Variants in FRMD4B observed in about 807,000 individuals in gnomAD.
The protein encoded by FRMD4B is FERM domain containing 4B.
In FRMD4B, 74 loss-of-function variants were observed where a neutral mutation model predicts 141.5. The observed-to-expected ratio is 0.52, with a 90% CI of 0.43 to 0.63. The LOEUF (loss-of-function observed/expected upper bound fraction) is 0.63, where lower values mean the gene tolerates loss of function less well. FRMD4B is among the 30% of genes least tolerant of loss of function. FRMD4B has a pLI of 0.00. For missense variants in FRMD4B, 1,366 were observed against 1,253.4 expected (o/e 1.09, Z -1.36); for synonymous variants, 506 against 467.9 (o/e 1.08, Z -1.05).
intron 1 of FRMD4B, among the ~76,000 whole-genome samples, chr3:69,475,280 T>C (rs954449913): frequency 1.1e-4 from 17 of 152,110 alleles, no homozygotes; most frequent in African/African-American, 4.1e-4. Flanking sequence ...TAGGTATACG[T>C]GTGCCATGCT....
chr3:69,227,410 C>T (rs9828152), intron 7 of FRMD4B, among the ~76,000 whole-genome samples: 1 of 152,030 alleles, frequency 6.6e-6, no homozygotes, highest in Non-Finnish European at 1.5e-5. Context: ...AGCCTATAAT[C>T]CCAGCGCTTT....
intron 1 of FRMD4B, among the ~76,000 whole-genome samples, chr3:69,454,181 T>A (rs1005810753): frequency 6.6e-6 from 1 of 152,210 alleles, no homozygotes; most frequent in Non-Finnish European, 1.5e-5. Flanking sequence ...TGTTCAATAG[T>A]ATCATCAAAG....
intron 1 of FRMD4B, among the ~76,000 whole-genome samples, chr3:69,461,570 G>A (rs1030250515): frequency 6.7e-5 from 9 of 133,604 alleles, no homozygotes; most frequent in Non-Finnish European, 1.2e-4. Context: ...GCCATAGTGA[G>A]CTGTGATTGC....
chr3:69,230,303 G>A (rs565367165), intron 7 of FRMD4B, among the ~76,000 whole-genome samples: 3 of 152,184 alleles, frequency 2.0e-5, no homozygotes, highest in Admixed American at 2.0e-4. Context: ...CTCCAACAAG[G>A]TCTAGTTTAT....
At chr3:69,316,978 C>T (rs975425276) in intron 1 of FRMD4B, among the ~76,000 whole-genome samples, 3 of 152,080 alleles carry the variant, frequency 2.0e-5, no homozygotes, top group African/African-American at 7.2e-5. Flanking sequence ...AAAAAATTAG[C>T]CAGGCGTGGT....
chr3:69,171,755 G>T lies in FRMD4B; in HGVS notation c.*106C>A, dbSNP rs2092588594. 3 of 1,074,564 alleles carry T rather than the reference G, an allele frequency of 2.8e-6. No homozygotes were observed. Among genetic ancestry groups the T allele is most frequent in the East Asian group, 2.4e-5 (1 of 41,436 alleles). 66.6% of individuals were successfully genotyped at this position (1,074,564 alleles called of 1,614,324 possible). On this transcript the variant is annotated 3_prime_UTR_variant, in exon 23 of 23. Coordinates refer to ENST00000398540, the MANE Select transcript of FRMD4B (RefSeq NM_015123.3). ...CAACTAAGTCTTCTCTTCAACCTTT[G>T]ATGTCTTTAGGTTTCTAAAACGAAC...
intron 1 of FRMD4B, among the ~76,000 whole-genome samples, chr3:69,361,723 T>C (rs749007964): frequency 2.0e-5 from 3 of 152,242 alleles, no homozygotes; most frequent in Non-Finnish European, 2.9e-5. Flanking sequence ...TGCATGAATA[T>C]AGTATAGTTT....
intron 1 of FRMD4B, among the ~76,000 whole-genome samples, chr3:69,433,436 AG>A (rs1482988119): frequency 1.3e-5 from 2 of 152,170 alleles, no homozygotes; most frequent in Non-Finnish European, 2.9e-5. Context: ...ACAAGGAGGG[AG>A]GCAGAAGTGG....
chr3:69,493,355 C>T (rs550723591), intron 1 of FRMD4B, among the ~76,000 whole-genome samples: 1 of 152,242 alleles, frequency 6.6e-6, no homozygotes, highest in African/African-American at 2.4e-5. Context: ...ATAATCAAGG[C>T]CACGTGGGAG....
intron 21 of FRMD4B, among the ~76,000 whole-genome samples, chr3:69,178,511 A>G (rs898115999): frequency 6.6e-6 from 1 of 151,922 alleles, no homozygotes; most frequent in African/African-American, 2.4e-5. Flanking sequence ...CAGTCTCTAC[A>G]AAAAAATAAA....
At chr3:69,182,471 G>C in intron 20 of FRMD4B, 127 bp downstream of exon 20, 2 of 844,394 alleles carry the variant, frequency 2.4e-6, no homozygotes, top group South Asian at 4.6e-5. Flanking sequence ...AGCAGAAAAT[G>C]TAAAACCATA....
chr3:69,267,620 TATATATATATATATATAGAGAGAG>T lies in FRMD4B; in HGVS notation c.502-17545_502-17522del, dbSNP rs2093571339. 4.3e-3 allele frequency among the ~76,000 whole-genome samples: 143 copies of T among 33,540 alleles called. 1 individual carries two copies. Among genetic ancestry groups the T allele is most frequent in the Middle Eastern group, 0.015 (1 of 66 alleles). 22.0% of individuals were successfully genotyped at this position (33,540 alleles called of 152,430 possible). ...GTATATATATATATATATATATATA[TATATATATATATATATAGAGAGAG>T]AGAGAGAGAGAGAGAGAGAGAGAGA... On this transcript the variant is annotated intron_variant, in intron 5 of 22. Coordinates refer to ENST00000398540, the MANE Select transcript of FRMD4B (RefSeq NM_015123.3).
intron 1 of FRMD4B, among the ~76,000 whole-genome samples, chr3:69,457,890 A>G (rs1360071169): frequency 6.6e-6 from 1 of 152,152 alleles, no homozygotes; most frequent in Non-Finnish European, 1.5e-5. Context: ...AGGAGGAGGT[A>G]ACACCCCCAG....
At chr3:69,290,194 G>T (rs980835369) in intron 4 of FRMD4B, among the ~76,000 whole-genome samples, 3 of 152,216 alleles carry the variant, frequency 2.0e-5, no homozygotes, top group African/African-American at 7.2e-5. Flanking sequence ...AGGTGGCCTG[G>T]AAAGGAGCAA....
chr3:69,264,842 C>CA (rs1461361401), intron 5 of FRMD4B, among the ~76,000 whole-genome samples: 1 of 152,040 alleles, frequency 6.6e-6, no homozygotes, highest in African/African-American at 2.4e-5. Context: ...GCATTATGAC[C>CA]AAAGTATCTG....
chr3:69,205,270 C>G (rs950344437), intron 11 of FRMD4B, among the ~76,000 whole-genome samples: 5 of 151,476 alleles, frequency 3.3e-5, no homozygotes, highest in African/African-American at 1.2e-4. Context: ...CTCGGGCTCG[C>G]GATCCTCTGA....
intron 1 of FRMD4B, among the ~76,000 whole-genome samples, chr3:69,473,965 C>T (rs1705937211): frequency 6.6e-6 from 1 of 152,106 alleles, no homozygotes. Flanking sequence ...TCCCATCCTG[C>T]CATGTAACTT....
intron 7 of FRMD4B, chr3:69,228,335 T>C (rs753957994): frequency 2.2e-6 from 1 of 456,740 alleles, no homozygotes; most frequent in Admixed American, 2.3e-5. Flanking sequence ...ACATCTCAGA[T>C]GCAAATATCT....
intron 1 of FRMD4B, among the ~76,000 whole-genome samples, chr3:69,467,828 G>T (rs1210148920): frequency 1.3e-5 from 2 of 152,124 alleles, no homozygotes; most frequent in East Asian, 1.9e-4. Flanking sequence ...CCTAGCAGGG[G>T]ACCTTCTGCT....
Sources: gnomAD v4.1 joint callset for allele counts (sites outside exome capture counted in the v4.1 genomes callset) on GRCh38, gnomAD v4.1.1 for gene constraint, MANE v1.5 for transcripts, NCBI Gene and HGNC (gene_info 2026-07-23, HGNC 2026-07-21) for gene names.